Variants in TRAF5 observed in about 807,000 individuals in gnomAD.
The protein encoded by TRAF5 is TNF receptor-associated factor 5.
TRAF5 carries 48 observed loss-of-function variants against 64.5 expected under a neutral mutation model. The ratio of observed to expected loss-of-function variants is 0.74; its 90% CI spans 0.59 to 0.95. TRAF5 has a LOEUF of 0.95. Among genes scored for constraint, TRAF5 ranks in the 40% least tolerant of loss-of-function variants. The pLI is 0.00. For synonymous variants in TRAF5, 206 were observed against 240.5 expected, an observed-to-expected ratio of 0.86 and a Z score of 1.33; for missense variants, 545 against 662.8, an observed-to-expected ratio of 0.82 and a Z score of 1.95.
intron 1 of TRAF5, among the ~76,000 whole-genome samples, chr1:211,350,898 A>C (rs949908667): frequency 2.6e-5 from 4 of 152,002 alleles, no homozygotes; most frequent in African/African-American, 9.7e-5. Flanking sequence ...CTCTTTAGAG[A>C]GGAGGTCTCG....
At chr1:211,362,253 G>A (rs1703210468) in intron 7 of TRAF5, among the ~76,000 whole-genome samples, 1 of 152,158 alleles carries the variant, frequency 6.6e-6, no homozygotes, top group South Asian at 2.1e-4. Flanking sequence ...TCCAGGTGGA[G>A]CAAAGTTTTA....
At chr1:211,336,992 A>G (rs1189514472) in intron 1 of TRAF5, among the ~76,000 whole-genome samples, 2 of 152,042 alleles carry the variant, frequency 1.3e-5, no homozygotes, top group Non-Finnish European at 2.9e-5. Context: ...TCGGCCTTCC[A>G]AAGTGCCGGG....
intron 1 of TRAF5, among the ~76,000 whole-genome samples, chr1:211,331,027 G>A (rs777179774): frequency 1.3e-5 from 2 of 152,190 alleles, no homozygotes; most frequent in African/African-American, 2.4e-5. Flanking sequence ...AAGCACCTTA[G>A]ACATTTGTCC....
At chr1:211,371,631 G>T (rs538343359) in intron 10 of TRAF5, among the ~76,000 whole-genome samples, 161 bp downstream of exon 10, 2 of 152,256 alleles carry the variant, frequency 1.3e-5, no homozygotes, top group East Asian at 3.9e-4. Flanking sequence ...GGCCACTCAG[G>T]CAAAAATGAG....
chr1:211,348,522 C>T (rs1219738108), intron 1 of TRAF5, among the ~76,000 whole-genome samples: 1 of 151,382 alleles, frequency 6.6e-6, no homozygotes, highest in African/African-American at 2.4e-5. Flanking sequence ...CGGATTGTGC[C>T]CTTGGTGTTG....
intron 2 of TRAF5, among the ~76,000 whole-genome samples, chr1:211,353,911 A>G (rs991319385): frequency 3.3e-5 from 5 of 152,310 alleles, no homozygotes; most frequent in African/African-American, 9.6e-5. Context: ...ACCAGGAGAG[A>G]TGTGGAAGCA....
chr1:211,327,285 C>T (rs1702044947), intron 1 of TRAF5, among the ~76,000 whole-genome samples: 1 of 152,118 alleles, frequency 6.6e-6, no homozygotes, highest in Non-Finnish European at 1.5e-5. Context: ...AGGCACGTCC[C>T]GCACATCCGC....
Position 211,345,362 on chromosome 1 carries a change from C to A in TRAF5, c.-1-7877C>A, listed in dbSNP as rs539598608. ...TGAGCCACTGTGCCAGCCCTGCGCT[C>A]CCCCCCCCTCCTTTTTTTTTGCTTC... is the stretch of plus-strand genomic sequence containing the variant. On this transcript the variant is annotated intron_variant, in intron 1 of 10. Transcript: ENST00000261464. Among the ~76,000 whole-genome samples the A allele has an allele frequency of 6.0e-5, 9 of 149,028 alleles. No homozygotes were observed. In the South Asian group the frequency reaches 6.4e-4, roughly 11 times the overall value.
intron 9 of TRAF5, among the ~76,000 whole-genome samples, chr1:211,370,571 T>C (rs1001370765): frequency 1.3e-5 from 2 of 152,226 alleles, no homozygotes; most frequent in African/African-American, 4.8e-5. Context: ...AAAATGTGTT[T>C]GATACACCTA....
At chr1:211,372,080 A>C in intron 10 of TRAF5, 48 bp from the exon 11 acceptor site, 3 of 1,457,086 alleles carry the variant, frequency 2.1e-6, no homozygotes, top group Non-Finnish European at 2.7e-6. Context: ...TTTTAAAGAT[A>C]ACTTTTAGGC....
At chr1:211,369,221 G>T in intron 8 of TRAF5, 1 of 316,218 alleles carries the variant, frequency 3.2e-6, no homozygotes, top group Non-Finnish European at 5.7e-6. Flanking sequence ...ATCATAGTAG[G>T]TTAGGTATAG....
At chr1:211,329,103 T>G (rs1428121103) in intron 1 of TRAF5, among the ~76,000 whole-genome samples, 1 of 152,184 alleles carries the variant, frequency 6.6e-6, no homozygotes, top group African/African-American at 2.4e-5. Context: ...ATGGAGCAAG[T>G]TCTGCTGGAG....
At chr1:211,331,303 A>G (rs1702150354) in intron 1 of TRAF5, among the ~76,000 whole-genome samples, 1 of 152,236 alleles carries the variant, frequency 6.6e-6, no homozygotes. Context: ...ATGATGGTGT[A>G]GTAGAAACAG....
intron 5 of TRAF5, 131 bp from the exon 6 acceptor site, chr1:211,360,571 T>A (rs1055469133): frequency 1.1e-5 from 7 of 647,482 alleles, no homozygotes; most frequent in Middle Eastern, 5.0e-4. Context: ...TTTAATCCTT[T>A]TTTGGAATTA....
At chr1:211,367,947 C>T (rs1239322071) in intron 8 of TRAF5, among the ~76,000 whole-genome samples, 1 of 151,722 alleles carries the variant, frequency 6.6e-6, no homozygotes, top group East Asian at 1.9e-4. Context: ...CAACAAAAAG[C>T]AAGTTATAAG....
In TRAF5 at chr1:211,371,371, A is replaced by C; in HGVS notation, c.1000A>C (p.Asn334His). ...AQVHQLLQMV[N>H]QQQNKFDLRP... The stretch of plus-strand genomic sequence containing the variant: ...AGTGCATCAATTATTACAAATGGTT[A>C]ACCAGCAACAAAATAAATTTGACCT... Residue 334 changes from asparagine to histidine, a missense_variant, in exon 10 of 11, where the codon AAC becomes CAC. Coordinates refer to ENST00000261464, the MANE Select transcript of TRAF5 (RefSeq NM_001033910.3). The C allele has an allele frequency of 6.2e-7, 1 of 1,612,072 alleles. No individual in the cohort carries two copies. Among genetic ancestry groups the C allele is most frequent in the Non-Finnish European group, 8.5e-7 (1 of 1,179,718 alleles).
chr1:211,346,234 C>G (rs41303275), intron 1 of TRAF5: 17,583 of 380,946 alleles, frequency 0.046, 458 homozygotes, highest in Middle Eastern at 0.093. Flanking sequence ...GTCGAAATCT[C>G]TGTTTGTGGT....
chr1:211,353,664 C>G (rs1558140246), intron 2 of TRAF5: 1 of 592,830 alleles, frequency 1.7e-6, no homozygotes, highest in East Asian at 2.9e-5. Context: ...TTTACCTTTT[C>G]TTAAAATTCA....
At chr1:211,326,734 G>C, upstream of TRAF5, 1 of 985,750 alleles carries the variant, frequency 1.0e-6, no homozygotes, top group Non-Finnish European at 1.2e-6. The surrounding 1 kb of genome is among the most constrained non-coding windows in gnomAD (Gnocchi z 5.0). Context: ...CCCTTCCTGC[G>C]CGTCCGCTCT....
Sources: gnomAD v4.1 joint callset for allele counts (sites outside exome capture counted in the v4.1 genomes callset) on GRCh38, gnomAD v4.1.1 for gene constraint, Gnocchi (gnomAD v3.1) non-coding constraint, MANE v1.5 for transcripts, NCBI Gene and HGNC (gene_info 2026-07-23, HGNC 2026-07-21) for gene names.